Variants in SCN10A observed in about 807,000 individuals in gnomAD.
The protein encoded by SCN10A is sodium voltage-gated channel alpha subunit 10.
Under a neutral mutation model 170.7 loss-of-function variants are expected in SCN10A, and 162 were observed. That is an observed-to-expected ratio of 0.95 (90% CI 0.84 to 1.08). The LOEUF is 1.08. Among genes scored for constraint, SCN10A ranks in the 50% least tolerant of loss-of-function variants. The probability of loss-of-function intolerance (pLI) is 0.00; values close to 1 mark genes in which losing one functional copy is unlikely to be tolerated. For missense variants in SCN10A, 2,527 were observed against 2,436.9 expected, an observed-to-expected ratio of 1.04 and a Z score of -0.78; for synonymous variants, 985 against 904.6, an observed-to-expected ratio of 1.09 and a Z score of -1.59.
chr3:38,734,448 C>CA (rs547231436), intron 15 of SCN10A, among the ~76,000 whole-genome samples: 331 of 152,238 alleles, frequency 2.2e-3, no homozygotes, highest in Non-Finnish European at 4.0e-3. Context: ...AAATCTTAAG[C>CA]AAATTTTTAG....
At chr3:38,793,124 A>G (rs1316212693) in intron 2 of SCN10A, among the ~76,000 whole-genome samples, 1 of 152,078 alleles carries the variant, frequency 6.6e-6, no homozygotes, top group Non-Finnish European at 1.5e-5. Flanking sequence ...AAAACTCAGG[A>G]AATTTTAAAA....
At chr3:38,770,667 C>T (rs942225061) in intron 5 of SCN10A, among the ~76,000 whole-genome samples, 5 of 152,074 alleles carry the variant, frequency 3.3e-5, no homozygotes, top group Non-Finnish European at 5.9e-5. Context: ...ACTTTTGGAC[C>T]GCATCCCTCA....
rs183591992 is a variant in SCN10A at position 38,807,909 on chromosome 3, G to T, written c.-33+8128C>A. On this transcript the variant is annotated intron_variant, in intron 1 of 27. Transcript: ENST00000449082. The stretch of plus-strand genomic sequence containing the variant: ...ATTTCTTATCTGGTCTCTTACCAGA[G>T]ACTTGCTCATTAACTGGTCTCTCCC... Among the ~76,000 whole-genome samples, 25 of 152,174 alleles carry T rather than the reference G, an allele frequency of 1.6e-4. No individual in the cohort carries two copies. In the East Asian group the frequency reaches 4.6e-3, roughly 28 times the overall value.
chr3:38,707,092 G>T (rs1352558633), intron 26 of SCN10A, among the ~76,000 whole-genome samples, 187 bp downstream of exon 26: 1 of 152,156 alleles, frequency 6.6e-6, no homozygotes, highest in Non-Finnish European at 1.5e-5. Flanking sequence ...TACTCCAGAA[G>T]ACCAGAGTTG....
Position 38,728,921 on chromosome 3 carries a change from G to A in SCN10A, c.2281-20C>T, listed in dbSNP as rs202117012. On this transcript the variant is annotated intron_variant, in intron 15 of 27. Coordinates refer to ENST00000449082, the MANE Select transcript of SCN10A (RefSeq NM_006514.4). ...GCGCAGCTGCAGAGAAACAGAGACCGTCAGGTTTTGGTAGCTGTGCTCATT... is the reference window on the plus strand; with the variant it reads ...GCGCAGCTGCAGAGAAACAGAGACCATCAGGTTTTGGTAGCTGTGCTCATT... 113 of 1,587,530 alleles carry A rather than the reference G, an allele frequency of 7.1e-5. No individual in the cohort carries two copies. The highest frequency in any genetic ancestry group is 8.1e-5 in the African/African-American group (6 of 74,250).
Position 38,742,341 on chromosome 3 carries a change from G to C in SCN10A, c.2056C>G (p.His686Asp). Residue 686 changes from histidine to aspartate, a missense_variant, in exon 14 of 28, where the codon CAC becomes GAC. By Grantham distance (81) the His-to-Asp change is moderately conservative. Coordinates refer to ENST00000449082, the MANE Select transcript of SCN10A (RefSeq NM_006514.4). ...VVNTIFMAME[H>D]HGMSPTFEAM... is the part of the protein sequence containing the mutation. ...TCGAAGGTAGGGCTCATGCCATGGT[G>C]CTCCATGGCCATGAAGATGGTGTTC... The C allele has an allele frequency of 6.2e-7, 1 of 1,614,136 alleles. No individual in the cohort carries two copies. Among genetic ancestry groups the C allele is most frequent in the South Asian group, 1.1e-5 (1 of 91,074 alleles).
chr3:38,761,506 G>GC, intron 6 of SCN10A, 123 bp from the exon 7 acceptor site: 4 of 726,430 alleles, frequency 5.5e-6, no homozygotes, highest in South Asian at 3.2e-5. Flanking sequence ...ACACTCCAGG[G>GC]CAGTTCCAAG....
chr3:38,793,862 T>G lies in SCN10A; in HGVS notation c.149A>C (p.Lys50Thr), dbSNP rs757655001. ...KHREQKDQEE[K>T]PRPQLDLKAC... ...TTTCAAGTCCAGCTGGGGCCGAGGC[T>G]TCTCTTCTTGGTCCTTCTGCTCCCT... Residue 50 changes from lysine to threonine, a missense_variant, in exon 2 of 28, where the codon AAG becomes ACG. Transcript: ENST00000449082. 6 of 1,613,960 alleles carry G rather than the reference T, an allele frequency of 3.7e-6. No homozygotes were observed. The Admixed American group carries it at 1.0e-4, about 27-fold the overall frequency.
chr3:38,778,332 A>G (rs1036816681), intron 4 of SCN10A, among the ~76,000 whole-genome samples: 2 of 151,926 alleles, frequency 1.3e-5, no homozygotes, highest in South Asian at 2.1e-4. Flanking sequence ...ATTCTCTGAA[A>G]CCAGGGCATG....
At chr3:38,783,336 C>T (rs2064161068) in intron 4 of SCN10A, among the ~76,000 whole-genome samples, 1 of 152,054 alleles carries the variant, frequency 6.6e-6, no homozygotes, top group Non-Finnish European at 1.5e-5. Flanking sequence ...CACTATTCTC[C>T]TAATTTTTGG....
At chr3:38,779,466 G>T (rs77297345) in intron 4 of SCN10A, among the ~76,000 whole-genome samples, 1 of 151,924 alleles carries the variant, frequency 6.6e-6, no homozygotes, top group African/African-American at 2.4e-5. Context: ...TAAAGGTCTT[G>T]TGCATATTTT....
At chr3:38,740,017 G>A (rs1028368373) in intron 14 of SCN10A, among the ~76,000 whole-genome samples, 2 of 152,164 alleles carry the variant, frequency 1.3e-5, no homozygotes, top group African/African-American at 4.8e-5. Flanking sequence ...TAGTTAAAAC[G>A]TGTGGGTTGT....
At chr3:38,798,206 G>C (rs954935037) in intron 1 of SCN10A, among the ~76,000 whole-genome samples, 1 of 152,102 alleles carries the variant, frequency 6.6e-6, no homozygotes, top group Admixed American at 6.6e-5. Flanking sequence ...TACTCTTATG[G>C]GCAAACTGGG....
At chr3:38,732,791 G>C (rs953619845) in intron 15 of SCN10A, among the ~76,000 whole-genome samples, 2 of 152,162 alleles carry the variant, frequency 1.3e-5, no homozygotes, top group African/African-American at 4.8e-5. Context: ...GGCTATGTTG[G>C]TCAAGACAGT....
intron 1 of SCN10A, among the ~76,000 whole-genome samples, chr3:38,812,492 C>A (rs2064447372): frequency 6.6e-6 from 1 of 152,038 alleles, no homozygotes; most frequent in Non-Finnish European, 1.5e-5. Flanking sequence ...CAAGTTCATT[C>A]ATCTGAAGTT....
chr3:38,786,291 T>C (rs762017425), intron 4 of SCN10A, among the ~76,000 whole-genome samples: 135 of 152,234 alleles, frequency 8.9e-4, no homozygotes, highest in Non-Finnish European at 1.5e-3. Context: ...TGGAATACTA[T>C]GCAGCCATAA....
intron 4 of SCN10A, among the ~76,000 whole-genome samples, chr3:38,774,003 T>C (rs572158471): frequency 4.5e-4 from 69 of 152,242 alleles, no homozygotes; most frequent in African/African-American, 1.5e-3. Context: ...AAAAATGAAA[T>C]TGCTGTTTTT....
At chr3:38,800,218 G>A (rs1323300717) in intron 1 of SCN10A, among the ~76,000 whole-genome samples, 1 of 152,158 alleles carries the variant, frequency 6.6e-6, no homozygotes, top group Non-Finnish European at 1.5e-5. Flanking sequence ...GTGGATAACA[G>A]CTCTTCCAGC....
intron 6 of SCN10A, 32 bp downstream of exon 6, chr3:38,763,473 A>C: frequency 2.9e-4 from 445 of 1,544,330 alleles, no homozygotes; most frequent in Non-Finnish European, 3.6e-4. Flanking sequence ...AGGCTGTGAA[A>C]ACCAACATAT....
Sources: gnomAD v4.1 joint callset for allele counts (sites outside exome capture counted in the v4.1 genomes callset) on GRCh38, gnomAD v4.1.1 for gene constraint, MANE v1.5 for transcripts, NCBI Gene and HGNC (gene_info 2026-07-23, HGNC 2026-07-21) for gene names.